Variants in FUT9 observed in about 807,000 individuals in gnomAD.
FUT9 encodes the protein fucosyltransferase 9.
Under a neutral mutation model 29.7 loss-of-function variants are expected in FUT9, and 15 were observed. The ratio of observed to expected loss-of-function variants is 0.51; its 90% CI spans 0.34 to 0.78. The LOEUF (loss-of-function observed/expected upper bound fraction) is 0.78, where lower values mean the gene tolerates loss of function less well. FUT9 is among the 30% of genes least tolerant of loss of function. The pLI is 0.01. For synonymous variants in FUT9, 169 were observed against 153.7 expected (o/e 1.10, Z -0.74); for missense variants, 319 against 425.4 (o/e 0.75, Z 2.20).
At chr6:96,170,478 C>CT (rs539195718) in intron 2 of FUT9, among the ~76,000 whole-genome samples, 8 of 151,426 alleles carry the variant, frequency 5.3e-5, no homozygotes, top group Non-Finnish European at 1.0e-4. Context: ...TCAAACTGTC[C>CT]TTTTTTTTCT....
chr6:96,162,713 T>C (rs7762700), intron 2 of FUT9, among the ~76,000 whole-genome samples: 24,103 of 152,194 alleles, frequency 0.16, 2,122 homozygotes, highest in African/African-American at 0.19. Context: ...CTAGTGTCCT[T>C]GTTTTGTCTC....
intron 1 of FUT9, among the ~76,000 whole-genome samples, chr6:96,053,793 T>C (rs1441854054): frequency 5.9e-5 from 9 of 152,178 alleles, no homozygotes; most frequent in Admixed American, 1.3e-4. Flanking sequence ...GTTATATGTT[T>C]TTTAGCAATT....
At chr6:96,161,885 C>A (rs1264399157) in intron 2 of FUT9, among the ~76,000 whole-genome samples, 5 of 152,292 alleles carry the variant, frequency 3.3e-5, no homozygotes, top group African/African-American at 9.6e-5. Context: ...ATTTTGACTT[C>A]TTTCCTCTTT....
At chr6:96,193,509 T>C (rs1480957528) in intron 2 of FUT9, among the ~76,000 whole-genome samples, 1 of 151,236 alleles carries the variant, frequency 6.6e-6, no homozygotes, top group East Asian at 2.0e-4. Flanking sequence ...TGAGATACCA[T>C]CTCACACCAG....
chr6:96,061,755 T>C (rs1769478765), intron 1 of FUT9, among the ~76,000 whole-genome samples: 1 of 152,220 alleles, frequency 6.6e-6, no homozygotes, highest in Non-Finnish European at 1.5e-5. Context: ...GCATTATTTA[T>C]ACTGTAATTC....
chr6:96,194,297 T>C (rs1447991783), intron 2 of FUT9, among the ~76,000 whole-genome samples: 1 of 152,150 alleles, frequency 6.6e-6, no homozygotes, highest in Non-Finnish European at 1.5e-5. Context: ...ATTTCATATG[T>C]CTGGGTTCTG....
intron 1 of FUT9, among the ~76,000 whole-genome samples, chr6:96,063,443 A>G (rs955622137): frequency 2.0e-5 from 3 of 152,016 alleles, no homozygotes; most frequent in Non-Finnish European, 2.9e-5. Flanking sequence ...CTTTACAACA[A>G]TCAGATCTCA....
chr6:96,177,832 T>C (rs980669565), intron 2 of FUT9, among the ~76,000 whole-genome samples: 2 of 152,208 alleles, frequency 1.3e-5, no homozygotes, highest in African/African-American at 4.8e-5. Flanking sequence ...AGGTCCTCAA[T>C]ATAGAGTCTG....
intron 1 of FUT9, among the ~76,000 whole-genome samples, chr6:96,039,922 A>G (rs1222706016): frequency 6.7e-6 from 1 of 149,890 alleles, no homozygotes; most frequent in Non-Finnish European, 1.5e-5. Context: ...TTAGAAGCCC[A>G]TGTCTCTTGG....
rs1408914524 is a variant in FUT9 at position 96,203,792 on chromosome 6, A to G, written c.637A>G (p.Ile213Val). The G allele has an allele frequency of 6.2e-7, 1 of 1,613,894 alleles. No individual in the cohort carries two copies. The highest frequency in any genetic ancestry group is 8.5e-7 in the Non-Finnish European group (1 of 1,179,850). The change falls in exon 3 of 3, where the codon ATT becomes GTT. Residue 213 changes from isoleucine (I) to valine (V), a missense_variant. Physicochemically the swap from Ile to Val is conservative, Grantham distance 29. Coordinates refer to ENST00000302103, the MANE Select transcript of FUT9 (RefSeq NM_006581.4). ...GTATTACAATGAGCTAAGCAAAAGC[A>G]TTGAAATCCATACCTACGGGCAAGC... The part of the protein sequence containing the change: ...VKYYNELSKS[I>V]EIHTYGQAFG...
Position 96,085,162 on chromosome 6 carries a change from T to C in FUT9, c.-97-28877T>C, listed in dbSNP as rs118064171. On this transcript the variant is annotated intron_variant, in intron 1 of 2. Transcript: ENST00000302103. The stretch of plus-strand genomic sequence containing the variant: ...TTAGAGATTCCAAAGATATGCCATG[T>C]ACAGGGCACTATTTCTGGCATAGCT... Among the ~76,000 whole-genome samples the C allele has an allele frequency of 7.3e-3, 1,116 of 152,322 alleles. 3 individuals are homozygous for C. Among genetic ancestry groups the C allele is most frequent in the Non-Finnish European group, 0.012 (834 of 68,014 alleles).
chr6:96,057,572 T>G (rs991294995), intron 1 of FUT9, among the ~76,000 whole-genome samples: 1 of 152,184 alleles, frequency 6.6e-6, no homozygotes, highest in African/African-American at 2.4e-5. Flanking sequence ...ATAAACTTAT[T>G]TTTTTTAAAG....
chr6:96,190,853 C>T (rs1315012058), intron 2 of FUT9, among the ~76,000 whole-genome samples: 1 of 152,242 alleles, frequency 6.6e-6, no homozygotes, highest in East Asian at 1.9e-4. Context: ...TGGGTTCAAA[C>T]TTTCTCCTTT....
Position 96,214,262 on chromosome 6 carries a change from T to A in FUT9, c.*10027T>A, listed in dbSNP as rs1010107782. On this transcript the variant is annotated 3_prime_UTR_variant, in exon 3 of 3. Coordinates refer to ENST00000302103, the MANE Select transcript of FUT9 (RefSeq NM_006581.4). ...CTTAACCAGTTTCATTCTATGAACA[T>A]AATATTCTGGCAGCTTTTTCTATAA... is the stretch of plus-strand genomic sequence containing the variant. 2 of 166,818 alleles carry A rather than the reference T, an allele frequency of 1.2e-5. No individual in the cohort carries two copies. Among genetic ancestry groups the A allele is most frequent in the African/African-American group, 4.8e-5 (2 of 41,430 alleles). The allele number at this position is 166,818 out of a possible 1,614,324, so 10.3% of individuals were successfully genotyped here. A position where few individuals can be genotyped will look rare whatever the true frequency, so the allele number is the denominator to read the frequency against.
chr6:96,053,653 G>A (rs900592806), intron 1 of FUT9, among the ~76,000 whole-genome samples: 2 of 152,082 alleles, frequency 1.3e-5, no homozygotes, highest in South Asian at 4.1e-4. Flanking sequence ...AGTTTGCAGT[G>A]AGCCGAGATC....
At chr6:96,106,431 A>C (rs1771687532) in intron 1 of FUT9, among the ~76,000 whole-genome samples, 1 of 152,122 alleles carries the variant, frequency 6.6e-6, no homozygotes, top group Non-Finnish European at 1.5e-5. Context: ...CAAAAAATTA[A>C]TAAAGGGGTA....
chr6:96,102,758 C>A (rs1327527193), intron 1 of FUT9, among the ~76,000 whole-genome samples: 1 of 152,034 alleles, frequency 6.6e-6, no homozygotes, highest in East Asian at 1.9e-4. Flanking sequence ...GAGTTTGATA[C>A]CCACATCAAA....
intron 1 of FUT9, among the ~76,000 whole-genome samples, chr6:96,040,780 T>A (rs1289504730): frequency 6.6e-6 from 1 of 152,114 alleles, no homozygotes; most frequent in Non-Finnish European, 1.5e-5. Flanking sequence ...CTAGGATGAA[T>A]CCCTGGATTT....
At chr6:96,138,428 G>A (rs1221469131) in intron 2 of FUT9, among the ~76,000 whole-genome samples, 1 of 150,614 alleles carries the variant, frequency 6.6e-6, no homozygotes, top group Non-Finnish European at 1.5e-5. Context: ...TCCAAAAAAG[G>A]ATATGTGCAG....
Sources: gnomAD v4.1 joint callset for allele counts (sites outside exome capture counted in the v4.1 genomes callset) on GRCh38, gnomAD v4.1.1 for gene constraint, MANE v1.5 for transcripts, NCBI Gene and HGNC (gene_info 2026-07-23, HGNC 2026-07-21) for gene names.